The following PPP2R5E variants were observed in gnomAD, a reference collection of about 807,000 sequenced individuals.
The protein encoded by PPP2R5E is serine/threonine-protein phosphatase 2A 56 kDa regulatory subunit epsilon isoform.
A neutral mutation model predicts 65.3 loss-of-function variants in PPP2R5E; 4 were observed. The ratio of observed to expected loss-of-function variants is 0.06; its 90% CI spans 0.03 to 0.14. The LOEUF is 0.14. Ranked by LOEUF, PPP2R5E falls within the 10% of genes least tolerant of loss-of-function variation. The probability of loss-of-function intolerance (pLI) is 1.00; values close to 1 mark genes in which losing one functional copy is unlikely to be tolerated. For missense variants in PPP2R5E, 274 were observed against 556.1 expected, an observed-to-expected ratio of 0.49 and a Z score of 5.10; for synonymous variants, 183 against 187.4, an observed-to-expected ratio of 0.98 and a Z score of 0.19.
rs149906101 is a variant in PPP2R5E, at chr14:63,517,558, G to A, written c.157+21971C>T. ...TCATGGATGATGCTTTCTTCCTTAC[G>A]TAAACCATCACAAATCCAGTTTCGC... is the stretch of plus-strand genomic sequence containing the variant. On this transcript the variant is annotated intron_variant, in intron 2 of 13. Transcript: ENST00000337537. Among the ~76,000 whole-genome samples, 955 of 152,152 alleles carry A rather than the reference G, an allele frequency of 6.3e-3. 10 individuals are homozygous for A. Among genetic ancestry groups the A allele is most frequent in the Middle Eastern group, 0.054 (16 of 294 alleles).
At chr14:63,380,373 T>C (rs1254037976) in intron 13 of PPP2R5E, among the ~76,000 whole-genome samples, 1 of 151,918 alleles carries the variant, frequency 6.6e-6, no homozygotes, top group Non-Finnish European at 1.5e-5. Flanking sequence ...GAATTAAAAG[T>C]TGTTTAGGGC....
intron 3 of PPP2R5E, among the ~76,000 whole-genome samples, chr14:63,432,020 A>C (rs531801047): frequency 1.3e-5 from 2 of 149,326 alleles, no homozygotes; most frequent in Non-Finnish European, 2.9e-5. Context: ...TTTAACAGGC[A>C]ATTGAAGAAA....
rs1257183525 is a variant in PPP2R5E at position 63,517,606 on chromosome 14, C to G, written c.157+21923G>C. Among the ~76,000 whole-genome samples the G allele has an allele frequency of 2.6e-5, 4 of 152,286 alleles. No individual in the cohort carries two copies. In the East Asian group the frequency reaches 7.7e-4, roughly 29 times the overall value. ...CGCTTCAAGCACTGGTACTGAAAAGCACTCACTCCACTCAATTTTCACCAC... is the reference window on the plus strand; with the variant it reads ...CGCTTCAAGCACTGGTACTGAAAAGGACTCACTCCACTCAATTTTCACCAC... On this transcript the variant is annotated intron_variant, in intron 2 of 13. Transcript: ENST00000337537.
intron 3 of PPP2R5E, among the ~76,000 whole-genome samples, chr14:63,429,017 G>C (rs1014033350): frequency 2.6e-5 from 4 of 152,116 alleles, no homozygotes; most frequent in Non-Finnish European, 4.4e-5. Context: ...ACACACGAAA[G>C]ATAAGGACAA....
chr14:63,524,780 C>T (rs916382743), intron 2 of PPP2R5E, among the ~76,000 whole-genome samples: 5 of 152,194 alleles, frequency 3.3e-5, no homozygotes, highest in Admixed American at 6.5e-5. Context: ...GCCTGCCACA[C>T]CTCTCCCCAT....
At chr14:63,490,795 T>C (rs1891250791) in intron 2 of PPP2R5E, among the ~76,000 whole-genome samples, 1 of 152,100 alleles carries the variant, frequency 6.6e-6, no homozygotes, top group Non-Finnish European at 1.5e-5. Flanking sequence ...GGATTGTAAA[T>C]TAGTTCAGCC....
At chr14:63,531,502 T>C (rs1353004897) in intron 2 of PPP2R5E, among the ~76,000 whole-genome samples, 1 of 151,474 alleles carries the variant, frequency 6.6e-6, no homozygotes, top group Non-Finnish European at 1.5e-5. Flanking sequence ...AAAAATAACA[T>C]AGTTTGGCAC....
intron 2 of PPP2R5E, among the ~76,000 whole-genome samples, chr14:63,485,278 T>C (rs560709597): frequency 1.5e-4 from 23 of 152,214 alleles, no homozygotes; most frequent in African/African-American, 5.5e-4. Context: ...TTTTATTTTA[T>C]GTATTTTAGA....
intron 5 of PPP2R5E, among the ~76,000 whole-genome samples, chr14:63,410,804 G>C (rs1886351458): frequency 6.6e-6 from 1 of 152,194 alleles, no homozygotes; most frequent in African/African-American, 2.4e-5. Context: ...TTTCATTCAA[G>C]CTCTCAATGG....
intron 2 of PPP2R5E, among the ~76,000 whole-genome samples, chr14:63,506,434 G>C (rs989576703): frequency 1.3e-5 from 2 of 152,218 alleles, no homozygotes; most frequent in Admixed American, 6.5e-5. Flanking sequence ...CTGGGCGACA[G>C]AGCAAGACTC....
intron 3 of PPP2R5E, among the ~76,000 whole-genome samples, chr14:63,446,395 T>C (rs569012662): frequency 5.9e-5 from 9 of 152,298 alleles, no homozygotes; most frequent in Admixed American, 5.9e-4. Flanking sequence ...TTTCGATTTG[T>C]TTTGCCCAGA....
intron 8 of PPP2R5E, among the ~76,000 whole-genome samples, chr14:63,392,291 T>A (rs2139781929): frequency 6.6e-6 from 1 of 152,260 alleles, no homozygotes; most frequent in Admixed American, 6.5e-5. Context: ...AAAGCAGAGG[T>A]GAGACATCAC....
At chr14:63,454,746 TCCTATC>T (rs1889028065) in intron 2 of PPP2R5E, among the ~76,000 whole-genome samples, 4 of 152,216 alleles carry the variant, frequency 2.6e-5, no homozygotes, top group Non-Finnish European at 4.4e-5. Context: ...GCCTATCCCC[TCCTATC>T]TTCTTTCCAA....
intron 2 of PPP2R5E, among the ~76,000 whole-genome samples, chr14:63,535,281 G>T (rs1308398555): frequency 2.6e-5 from 4 of 151,966 alleles, no homozygotes; most frequent in Non-Finnish European, 4.4e-5. Flanking sequence ...AATTAGCTTG[G>T]TGTGGTGGTG....
At chr14:63,500,031 G>A (rs565975582) in intron 2 of PPP2R5E, among the ~76,000 whole-genome samples, 21 of 152,252 alleles carry the variant, frequency 1.4e-4, no homozygotes, top group South Asian at 6.2e-4. Context: ...TTGTAAACAG[G>A]TATTTCTCAA....
At chr14:63,499,010 A>C (rs1007007091) in intron 2 of PPP2R5E, among the ~76,000 whole-genome samples, 1 of 152,188 alleles carries the variant, frequency 6.6e-6, no homozygotes, top group Non-Finnish European at 1.5e-5. Flanking sequence ...GTATTTCCAA[A>C]TTTAAAATCA....
chr14:63,431,287 C>T (rs1455900050), intron 3 of PPP2R5E, among the ~76,000 whole-genome samples: 1 of 151,794 alleles, frequency 6.6e-6, no homozygotes, highest in Non-Finnish European at 1.5e-5. Flanking sequence ...AAAGCATGTC[C>T]TTAACACCTA....
intron 5 of PPP2R5E, among the ~76,000 whole-genome samples, chr14:63,404,958 G>A (rs1394674134): frequency 6.6e-6 from 1 of 152,136 alleles, no homozygotes; most frequent in Non-Finnish European, 1.5e-5. Flanking sequence ...TAAACATGCG[G>A]TGGTCCCTGC....
At chr14:63,416,739 C>T (rs1886710680) in intron 4 of PPP2R5E, among the ~76,000 whole-genome samples, 2 of 151,076 alleles carry the variant, frequency 1.3e-5, no homozygotes. Context: ...CTTTACTTTC[C>T]AAAAGAATTG....
Sources: gnomAD v4.1 joint callset for allele counts (sites outside exome capture counted in the v4.1 genomes callset) on GRCh38, gnomAD v4.1.1 for gene constraint, MANE v1.5 for transcripts, NCBI Gene and HGNC (gene_info 2026-07-23, HGNC 2026-07-21) for gene names.